The following ANKRD46 variants were observed in gnomAD, a reference collection of about 807,000 sequenced individuals.
The protein encoded by ANKRD46 is ankyrin repeat domain-containing protein 46.
Under a neutral mutation model 19.8 loss-of-function variants are expected in ANKRD46, and 13 were observed. That is an observed-to-expected ratio of 0.66 (90% CI 0.43 to 1.04). The LOEUF (loss-of-function observed/expected upper bound fraction) is 1.04, where lower values mean the gene tolerates loss of function less well. Ranked by LOEUF, ANKRD46 falls within the 50% of genes least tolerant of loss-of-function variation. ANKRD46 has a pLI of 0.00. For missense variants in ANKRD46, 185 were observed against 274.8 expected (o/e 0.67, Z 2.31); for synonymous variants, 91 against 106.9 (o/e 0.85, Z 0.92).
At chr8:100,526,563 T>C (rs1811846363) in intron 4 of ANKRD46, among the ~76,000 whole-genome samples, 2 of 152,224 alleles carry the variant, frequency 1.3e-5, no homozygotes, top group Non-Finnish European at 2.9e-5. Flanking sequence ...TTCTTGATTA[T>C]CTATTTGTCA....
rs1330798845 is a variant in ANKRD46, at chr8:100,546,872, G to A, written c.-131+12839C>T. ...AGTTAAAGGAGATTTTGGAGTTTAA[G>A]ATTCAATGACTGCCTGGCTGGGTTT... On this transcript the variant is annotated intron_variant, in intron 1 of 4. Coordinates refer to ENST00000335659, the MANE Select transcript of ANKRD46 (RefSeq NM_001270377.2). This position sits in a 1 kb window ranked among gnomAD's most constrained non-coding sequence, Gnocchi z 4.0. 6.6e-6 allele frequency among the ~76,000 whole-genome samples: 1 copy of A among 152,240 alleles called. No homozygotes were observed. The highest frequency in any genetic ancestry group is 1.5e-5 in the Non-Finnish European group (1 of 68,044).
At chr8:100,528,442 G>C (rs1339189869) in intron 3 of ANKRD46, among the ~76,000 whole-genome samples, 3 of 151,560 alleles carry the variant, frequency 2.0e-5, no homozygotes, top group African/African-American at 7.3e-5. Context: ...GATGGGTCCA[G>C]TTTAACTCAA....
chr8:100,547,464 G>A (rs899540045), intron 1 of ANKRD46, among the ~76,000 whole-genome samples: 79 of 152,260 alleles, frequency 5.2e-4, no homozygotes, highest in African/African-American at 1.9e-3. Context: ...CAGCCATGAG[G>A]AACTGTGAGT....
rs556405094 is a variant in ANKRD46 at position 100,540,385 on chromosome 8, A to C, written c.-130-7074T>G. Among the ~76,000 whole-genome samples, 57 of 152,358 alleles carry C rather than the reference A, an allele frequency of 3.7e-4. 1 individual carries two copies. Among genetic ancestry groups the C allele is most frequent in the African/African-American group, 1.0e-3 (42 of 41,592 alleles). On this transcript the variant is annotated intron_variant, in intron 1 of 4. Transcript: ENST00000335659. ...GAAACAATACCTGGAAATGTCTTTT[A>C]CTTCACAGAAAATATTCTAGCACAC...
chr8:100,525,797 C>T lies in ANKRD46; in HGVS notation c.470+2048G>A, dbSNP rs947810834. ...GGTCAGATGGTAACTCTACGTGTAG[C>T]TTTTTGAAGGACTGCCAGACTTTTC... On this transcript the variant is annotated intron_variant, in intron 4 of 4. Transcript: ENST00000335659. This position sits in a 1 kb window ranked among gnomAD's most constrained non-coding sequence, Gnocchi z 4.4. Among the ~76,000 whole-genome samples the T allele has an allele frequency of 6.6e-6, 1 of 152,142 alleles. No individual in the cohort carries two copies. Among genetic ancestry groups the T allele is most frequent in the African/African-American group, 2.4e-5 (1 of 41,438 alleles).
rs983244133 is a variant in ANKRD46, at chr8:100,534,687, T to C, written c.-130-1376A>G. 6.6e-6 allele frequency among the ~76,000 whole-genome samples: 1 copy of C among 152,230 alleles called. No homozygotes were observed. Among genetic ancestry groups the C allele is most frequent in the Non-Finnish European group, 1.5e-5 (1 of 68,038 alleles). On this transcript the variant is annotated intron_variant, in intron 1 of 4. Transcript: ENST00000335659. The surrounding 1 kb of genome is among the most constrained non-coding windows in gnomAD (Gnocchi z 4.2). ...AAAAATTTTGTTTTTCATCTAGAGA[T>C]GGAATTATAGTTCATATGGTCATGC...
downstream of ANKRD46, among the ~76,000 whole-genome samples, chr8:100,517,268 T>A (rs1351017089): frequency 6.6e-6 from 1 of 152,224 alleles, no homozygotes; most frequent in Non-Finnish European, 1.5e-5. Flanking sequence ...AAATGGAATC[T>A]TCTTTACCTT....
In ANKRD46 at chr8:100,522,369, T is replaced by TTG; in HGVS notation, c.*184_*185dup. 7.1e-7 allele frequency: 1 copy of TTG among 1,417,494 alleles called. No individual in the cohort carries two copies. 87.8% of individuals were successfully genotyped at this position (1,417,494 alleles called of 1,614,324 possible). ...GAGGTAGCGTTAGGATGCAATATAC[T>TTG]TGATCATAGTATGTAGTTAGTTCAA... On this transcript the variant is annotated 3_prime_UTR_variant, in exon 5 of 5. Coordinates refer to ENST00000335659, the MANE Select transcript of ANKRD46 (RefSeq NM_001270377.2).
Position 100,535,057 on chromosome 8 carries a change from G to A in ANKRD46, c.-130-1746C>T, listed in dbSNP as rs1444063813. The stretch of plus-strand genomic sequence containing the variant: ...GCTGGGATTACAGGCGTGAGCCACC[G>A]CAACCAGCCTGCCATTTTCTTTGGA... On this transcript the variant is annotated intron_variant, in intron 1 of 4. Transcript: ENST00000335659. Among the ~76,000 whole-genome samples, 15 of 152,292 alleles carry A rather than the reference G, an allele frequency of 9.8e-5. No individual in the cohort carries two copies. The East Asian group carries it at 2.1e-3, about 22-fold the overall frequency.
intron 3 of ANKRD46, among the ~76,000 whole-genome samples, chr8:100,528,797 C>T (rs1165039376): frequency 6.6e-6 from 1 of 152,074 alleles, no homozygotes; most frequent in African/African-American, 2.4e-5. Context: ...CTGTCTTATT[C>T]AGATTTAGGG....
In ANKRD46 at chr8:100,529,771, A is replaced by G. The variant is rs1811919531; in HGVS notation, c.63T>C (p.Ile21=). The change falls in exon 3 of 5, where the codon ATT becomes ATC. Residue 21 remains isoleucine, a synonymous_variant. Transcript: ENST00000335659. The surrounding 1 kb of genome is among the most constrained non-coding windows in gnomAD (Gnocchi z 5.8). Reference sequence around the variant, plus strand: ...GCTTGGAATAATTAAAGTCCCCATCAATACAGGCTTGCAGCAAGGGCACGT... The same window carrying G: ...GCTTGGAATAATTAAAGTCCCCATCGATACAGGCTTGCAGCAAGGGCACGT... ...QTNVPLLQAC[I]DGDFNYSKRL... 13 of 1,614,250 alleles carry G rather than the reference A, an allele frequency of 8.1e-6. No homozygotes were observed. The highest frequency in any genetic ancestry group is 1.1e-5 in the Non-Finnish European group (13 of 1,180,050).
chr8:100,548,440 T>C (rs1812316172), intron 1 of ANKRD46, among the ~76,000 whole-genome samples: 1 of 152,212 alleles, frequency 6.6e-6, no homozygotes, highest in South Asian at 2.1e-4. Context: ...CTCCCCACAT[T>C]ACTTTTCACA....
At chr8:100,514,911 A>G (rs904593995) in intron 5 of ANKRD46, among the ~76,000 whole-genome samples, 6 of 152,146 alleles carry the variant, frequency 3.9e-5, no homozygotes, top group Admixed American at 1.3e-4. Context: ...AAGTGCTGGG[A>G]TTACAGGAGT....
chr8:100,522,398 A>G lies in ANKRD46; in HGVS notation c.*157T>C, dbSNP rs1181393660. 4.9e-6 allele frequency: 7 copies of G among 1,437,574 alleles called. No homozygotes were observed. In the East Asian group the frequency reaches 1.5e-4, roughly 31 times the overall value. 89.1% of individuals were successfully genotyped at this position (1,437,574 alleles called of 1,614,324 possible). ...TCATAGTATGTAGTTAGTTCAAATGAACACATCATTATCTAAAAGGATTAC... is the reference window on the plus strand; with the variant it reads ...TCATAGTATGTAGTTAGTTCAAATGGACACATCATTATCTAAAAGGATTAC... On this transcript the variant is annotated 3_prime_UTR_variant, in exon 5 of 5. Transcript: ENST00000335659.
chr8:100,517,731 C>T (rs62515179), downstream of ANKRD46, among the ~76,000 whole-genome samples: 1 of 152,186 alleles, frequency 6.6e-6, no homozygotes, highest in Non-Finnish European at 1.5e-5. Flanking sequence ...TTAACCTCAT[C>T]CCAAAGTTCT....
At position 100,527,836 on chromosome 8, in the gene ANKRD46, C is replaced by G; in HGVS notation, c.470+9G>C. ...TACAGTGAGAAAAAAAAAGTTGTATCTCCAGTACCTTTCACTCTCAGCTGT... is the reference window on the plus strand; with the variant it reads ...TACAGTGAGAAAAAAAAAGTTGTATGTCCAGTACCTTTCACTCTCAGCTGT... On this transcript the variant is annotated intron_variant, in intron 4 of 4. Coordinates refer to ENST00000335659, the MANE Select transcript of ANKRD46 (RefSeq NM_001270377.2). This position sits in a 1 kb window ranked among gnomAD's most constrained non-coding sequence, Gnocchi z 4.0. 1 of 1,611,160 alleles carries G rather than the reference C, an allele frequency of 6.2e-7. No individual in the cohort carries two copies. The highest frequency in any genetic ancestry group is 8.5e-7 in the Non-Finnish European group (1 of 1,178,992).
At chr8:100,516,157 T>A (rs1811628066), downstream of ANKRD46, among the ~76,000 whole-genome samples, 1 of 152,134 alleles carries the variant, frequency 6.6e-6, no homozygotes. Flanking sequence ...CAAGTGTGAG[T>A]CACTGGCCCC....
At chr8:100,535,769 G>A (rs375760632) in intron 1 of ANKRD46, among the ~76,000 whole-genome samples, 3 of 152,140 alleles carry the variant, frequency 2.0e-5, no homozygotes, top group East Asian at 3.8e-4. Flanking sequence ...GTAGTATTCC[G>A]TGGCATGGGT....
At chr8:100,518,216 T>C (rs1238038187), downstream of ANKRD46, among the ~76,000 whole-genome samples, 3 of 152,088 alleles carry the variant, frequency 2.0e-5, no homozygotes, top group Non-Finnish European at 4.4e-5. Context: ...AGCTAAGCTA[T>C]AGAATGGCTC....
Sources: gnomAD v4.1 joint callset for allele counts (sites outside exome capture counted in the v4.1 genomes callset) on GRCh38, gnomAD v4.1.1 for gene constraint, Gnocchi (gnomAD v3.1) non-coding constraint, MANE v1.5 for transcripts, NCBI Gene and HGNC (gene_info 2026-07-23, HGNC 2026-07-21) for gene names.